MAD1L1: variants seen among roughly 807,000 people sequenced by gnomAD.
The protein encoded by MAD1L1 is mitotic arrest deficient 1 like 1.
MAD1L1 carries 95 observed loss-of-function variants against 96.9 expected under a neutral mutation model. That is an observed-to-expected ratio of 0.98 (90% CI 0.83 to 1.16). MAD1L1 has a LOEUF of 1.16. Among genes scored for constraint, MAD1L1 ranks in the 50% most tolerant of loss-of-function variants. MAD1L1 has a pLI of 0.00. For synonymous variants in MAD1L1, 473 were observed against 396.6 expected (o/e 1.19, Z -2.29); for missense variants, 1,007 against 954.4 (o/e 1.06, Z -0.73).
chr7:1,918,435 G>A (rs1013236475), intron 17 of MAD1L1, among the ~76,000 whole-genome samples: 6 of 152,146 alleles, frequency 3.9e-5, no homozygotes, highest in Admixed American at 6.5e-5. Flanking sequence ...CCGCAGTCAC[G>A]CCACTGGGGA....
At chr7:2,004,574 C>T (rs570113336) in intron 13 of MAD1L1, among the ~76,000 whole-genome samples, 4 of 152,342 alleles carry the variant, frequency 2.6e-5, no homozygotes, top group South Asian at 2.1e-4. Context: ...CTGTGCCTCC[C>T]GACACAGAAT....
intron 12 of MAD1L1, among the ~76,000 whole-genome samples, chr7:2,062,443 C>T (rs1310963653): frequency 6.6e-6 from 1 of 151,722 alleles, no homozygotes; most frequent in East Asian, 1.9e-4. Context: ...GGTGTGGTGA[C>T]GCACACCTAT....
rs753574229 is a variant in MAD1L1, at chr7:1,894,545, T to G, written c.1998+3655A>C. Among the ~76,000 whole-genome samples the G allele has an allele frequency of 1.6e-4, 25 of 152,202 alleles. 1 individual carries two copies. Among genetic ancestry groups the G allele is most frequent in the Non-Finnish European group, 2.8e-4 (19 of 68,028 alleles). Reference sequence around the variant, plus strand: ...AGCCTCCGAAGTGAGCCACAGTTACTTCTACTCCACAGGTGAGGAGACTGA... The same window carrying G: ...AGCCTCCGAAGTGAGCCACAGTTACGTCTACTCCACAGGTGAGGAGACTGA... On this transcript the variant is annotated intron_variant, in intron 18 of 18. Transcript: ENST00000265854.
rs906817881 is a variant in MAD1L1, at chr7:2,146,565, C to T, written c.1073+2587G>A. On this transcript the variant is annotated intron_variant, in intron 11 of 18. Coordinates refer to ENST00000265854, the MANE Select transcript of MAD1L1 (RefSeq NM_001013836.2). The surrounding 1 kb of genome is among the most constrained non-coding windows in gnomAD (Gnocchi z 6.2). Reference sequence around the variant, plus strand: ...ACAAGCACGTGCCCGCTGGTCCGCACAGACGAGGGAAAATGCCCAGCAGCT... The same window carrying T: ...ACAAGCACGTGCCCGCTGGTCCGCATAGACGAGGGAAAATGCCCAGCAGCT... 5.9e-5 allele frequency among the ~76,000 whole-genome samples: 9 copies of T among 152,362 alleles called. No individual in the cohort carries two copies. The highest frequency in any genetic ancestry group is 2.2e-4 in the African/African-American group (9 of 41,584).
intron 17 of MAD1L1, among the ~76,000 whole-genome samples, chr7:1,917,105 C>CCA (rs988823269): frequency 9.2e-5 from 14 of 152,190 alleles, no homozygotes; most frequent in Non-Finnish European, 1.8e-4. Flanking sequence ...CCTCCCTGGA[C>CCA]CAGGCACCCA....
intron 11 of MAD1L1, among the ~76,000 whole-genome samples, chr7:2,082,111 C>T (rs1785683466): frequency 2.0e-5 from 3 of 151,968 alleles, no homozygotes; most frequent in South Asian, 4.2e-4. Context: ...GAATAAAGAA[C>T]GGAGAACAAG....
At chr7:2,193,591 G>A (rs749338530) in intron 10 of MAD1L1, 1 of 152,272 alleles carries the variant, frequency 6.6e-6, no homozygotes, top group Non-Finnish European at 1.5e-5. Flanking sequence ...AAAAAAAGGC[G>A]AGACAGAAAT....
intron 5 of MAD1L1, chr7:2,221,035 A>C (rs754791229): frequency 1.2e-6 from 2 of 1,610,872 alleles, no homozygotes; most frequent in Admixed American, 1.7e-5. Context: ...GTGACAGGAG[A>C]AGGCAGTCAA....
rs914883590 is a variant in MAD1L1 at position 2,113,104 on chromosome 7, C to A, written c.1073+36048G>T. ...CAGGAAACGGGGACGAGGGGCAGAG[C>A]CTCCCTCAGCAAAGCGTCCCACTCA... On this transcript the variant is annotated intron_variant, in intron 11 of 18. Coordinates refer to ENST00000265854, the MANE Select transcript of MAD1L1 (RefSeq NM_001013836.2). 1.0e-4 allele frequency among the ~76,000 whole-genome samples: 15 copies of A among 144,782 alleles called. No individual in the cohort carries two copies. In the East Asian group the frequency reaches 2.5e-3, roughly 24 times the overall value. The allele number at this position is 144,782 out of a possible 152,430, so 95.0% of individuals were successfully genotyped here.
At chr7:2,134,181 CT>C (rs1201744344) in intron 11 of MAD1L1, among the ~76,000 whole-genome samples, 2 of 152,308 alleles carry the variant, frequency 1.3e-5, no homozygotes, top group African/African-American at 4.8e-5. Flanking sequence ...GCTTTGATTT[CT>C]TTCATCAGGT....
chr7:1,880,608 G>A lies in MAD1L1; in HGVS notation c.1998+17592C>T, dbSNP rs1053550483. Among the ~76,000 whole-genome samples the A allele has an allele frequency of 4.6e-5, 7 of 152,148 alleles. No individual in the cohort carries two copies. The South Asian group carries it at 8.3e-4, about 18-fold the overall frequency. ...CAAACAGTGTAGTTCTTGAACCTGC[G>A]TGCGTCCCATCTCAGGGGCCCCACA... On this transcript the variant is annotated intron_variant, in intron 18 of 18. Coordinates refer to ENST00000265854, the MANE Select transcript of MAD1L1 (RefSeq NM_001013836.2).
chr7:2,161,616 T>C (rs557571538), intron 10 of MAD1L1, among the ~76,000 whole-genome samples: 26 of 146,266 alleles, frequency 1.8e-4, no homozygotes, highest in Non-Finnish European at 3.3e-4. Flanking sequence ...GTCTGGGAAG[T>C]GAGGAGCGCC....
At chr7:2,115,892 C>T (rs1275651926) in intron 11 of MAD1L1, among the ~76,000 whole-genome samples, 1 of 152,230 alleles carries the variant, frequency 6.6e-6, no homozygotes, top group Admixed American at 6.5e-5. Context: ...GTCCCACTTC[C>T]CCTTCCTCCT....
At chr7:1,919,267 C>T (rs1183426361) in intron 17 of MAD1L1, among the ~76,000 whole-genome samples, 1 of 152,248 alleles carries the variant, frequency 6.6e-6, no homozygotes, top group East Asian at 1.9e-4. Flanking sequence ...GACCTCCATC[C>T]AAGCCTTCTG....
chr7:2,114,891 T>C lies in MAD1L1; in HGVS notation c.1073+34261A>G, dbSNP rs1357376496. Among the ~76,000 whole-genome samples, 1 of 152,134 alleles carries C rather than the reference T, an allele frequency of 6.6e-6. No homozygotes were observed. The highest frequency in any genetic ancestry group is 1.5e-5 in the Non-Finnish European group (1 of 68,022). ...TCTGGGATCTCGGTAAGAATCTGCT[T>C]TGCAAACACAAGGGCCTCGAAGCCC... On this transcript the variant is annotated intron_variant, in intron 11 of 18. Transcript: ENST00000265854. This position sits in a 1 kb window ranked among gnomAD's most constrained non-coding sequence, Gnocchi z 4.2.
intron 11 of MAD1L1, among the ~76,000 whole-genome samples, chr7:2,074,657 G>A (rs1785292802): frequency 1.3e-5 from 2 of 152,382 alleles, no homozygotes; most frequent in South Asian, 4.1e-4. Flanking sequence ...AGCGCCCCCA[G>A]GACAGGCACT....
chr7:2,154,841 C>T (rs575744275), intron 10 of MAD1L1, among the ~76,000 whole-genome samples: 36 of 152,268 alleles, frequency 2.4e-4, no homozygotes, highest in African/African-American at 5.3e-4. Context: ...TCCGATCAAA[C>T]GGGTCAGGAG....
At chr7:1,826,977 T>C (rs1782426237) in intron 18 of MAD1L1, among the ~76,000 whole-genome samples, 1 of 152,200 alleles carries the variant, frequency 6.6e-6, no homozygotes. Flanking sequence ...ATTATTATTA[T>C]TCTATTTATA....
At chr7:1,884,105 G>A (rs73673311) in intron 18 of MAD1L1, among the ~76,000 whole-genome samples, 1 of 152,376 alleles carries the variant, frequency 6.6e-6, no homozygotes, top group African/African-American at 2.4e-5. Flanking sequence ...AGGCAGCACT[G>A]GGACCGCAAG....
Sources: allele counts gnomAD v4.1 joint callset (sites outside exome capture counted in the v4.1 genomes callset), GRCh38; gene constraint gnomAD v4.1.1; non-coding constraint Gnocchi (gnomAD v3.1); transcripts MANE v1.5; gene names NCBI Gene and HGNC (gene_info 2026-07-23, HGNC 2026-07-21).